The following MAST2 variants were observed in gnomAD, a reference collection of about 807,000 sequenced individuals.
MAST2 encodes the protein microtubule associated serine/threonine kinase 2, also known as microtubule-associated serine/threonine-protein kinase 2.
A neutral mutation model predicts 147.4 loss-of-function variants in MAST2; 70 were observed. The ratio of observed to expected loss-of-function variants is 0.47; its 90% CI spans 0.39 to 0.58. The LOEUF is 0.58. Among genes scored for constraint, MAST2 ranks in the 20% least tolerant of loss-of-function variants. The pLI, the probability that MAST2 is intolerant of heterozygous loss-of-function variation, is 0.00. For synonymous variants in MAST2, 869 were observed against 896.8 expected, an observed-to-expected ratio of 0.97 and a Z score of 0.55; for missense variants, 2,080 against 2,302.3, an observed-to-expected ratio of 0.90 and a Z score of 1.98.
At chr1:45,962,345 C>T (rs1486811754) in intron 5 of MAST2, among the ~76,000 whole-genome samples, 1 of 151,984 alleles carries the variant, frequency 6.6e-6, no homozygotes, top group East Asian at 1.9e-4. Context: ...GGAATCGCCA[C>T]ACTGACTTCC....
At chr1:45,895,669 A>G (rs1341530335) in intron 4 of MAST2, among the ~76,000 whole-genome samples, 1 of 152,262 alleles carries the variant, frequency 6.6e-6, no homozygotes, top group Non-Finnish European at 1.5e-5. Flanking sequence ...TTTTAAAAAA[A>G]GTAAAAACAA....
intron 10 of MAST2, 49 bp from the exon 11 acceptor site, chr1:46,019,547 C>T: frequency 6.6e-7 from 1 of 1,505,720 alleles, no homozygotes; most frequent in Non-Finnish European, 9.2e-7. Flanking sequence ...TCCTGCTTAG[C>T]CCAGCCACAC....
At chr1:45,891,268 G>T (rs1647726871) in intron 4 of MAST2, among the ~76,000 whole-genome samples, 1 of 152,140 alleles carries the variant, frequency 6.6e-6, no homozygotes, top group Non-Finnish European at 1.5e-5. Context: ...GAGGCAGGAA[G>T]ATCACTTGAG....
chr1:45,981,344 T>C (rs141161861), intron 5 of MAST2, among the ~76,000 whole-genome samples: 202 of 152,186 alleles, frequency 1.3e-3, no homozygotes, highest in African/African-American at 4.6e-3. Flanking sequence ...AGTGCTGGGA[T>C]TACAGGTGTG....
intron 4 of MAST2, among the ~76,000 whole-genome samples, chr1:45,925,082 C>A (rs1291750693): frequency 6.6e-6 from 1 of 152,192 alleles, no homozygotes; most frequent in Non-Finnish European, 1.5e-5. Flanking sequence ...AGTTGGAAAA[C>A]AGTGTCCCCT....
At chr1:45,873,157 G>GT in intron 3 of MAST2, among the ~76,000 whole-genome samples, 1 of 151,416 alleles carries the variant, frequency 6.6e-6, no homozygotes, top group South Asian at 2.1e-4. Context: ...CTACTGGTGG[G>GT]TTAGATTAGA....
chr1:45,945,306 G>A (rs112677070), intron 4 of MAST2, among the ~76,000 whole-genome samples: 1 of 152,072 alleles, frequency 6.6e-6, no homozygotes, highest in African/African-American at 2.4e-5. Flanking sequence ...ATCTCAAAAA[G>A]ACTGTGTTTT....
intron 1 of MAST2, among the ~76,000 whole-genome samples, chr1:45,821,843 C>T (rs1170764628): frequency 2.0e-5 from 3 of 149,534 alleles, no homozygotes; most frequent in Non-Finnish European, 4.4e-5. Context: ...CTGCCCCCTT[C>T]TCTTCTAGAA....
chr1:45,898,866 A>G (rs938116785), intron 4 of MAST2, among the ~76,000 whole-genome samples: 11 of 152,202 alleles, frequency 7.2e-5, no homozygotes, highest in African/African-American at 1.9e-4. Context: ...AAGGGAGCAC[A>G]TGGGATGTCT....
intron 1 of MAST2, among the ~76,000 whole-genome samples, chr1:45,811,266 A>G (rs543462988): frequency 3.2e-4 from 47 of 149,028 alleles, no homozygotes; most frequent in Admixed American, 2.3e-3. Context: ...TGTGGGGTTC[A>G]AGCAATTCTC....
At chr1:45,867,224 T>G (rs1247571588) in intron 3 of MAST2, among the ~76,000 whole-genome samples, 1 of 152,214 alleles carries the variant, frequency 6.6e-6, no homozygotes, top group East Asian at 1.9e-4. Flanking sequence ...TTTATATAAA[T>G]AAACACACAA....
chr1:45,902,814 A>G (rs946496997), intron 4 of MAST2, among the ~76,000 whole-genome samples: 1 of 152,046 alleles, frequency 6.6e-6, no homozygotes, highest in African/African-American at 2.4e-5. Context: ...TGTTTCTGTG[A>G]TATCAGTTGT....
At chr1:45,835,583 T>C (rs978350966) in intron 3 of MAST2, among the ~76,000 whole-genome samples, 2 of 150,842 alleles carry the variant, frequency 1.3e-5, no homozygotes, top group African/African-American at 2.5e-5. Flanking sequence ...CATATTATTA[T>C]TGAATTTTGT....
In MAST2 at chr1:45,818,553, G is replaced by A. The variant is rs574145153; in HGVS notation, c.178-5880G>A. 2.6e-5 allele frequency among the ~76,000 whole-genome samples: 4 copies of A among 152,264 alleles called. No homozygotes were observed. In the East Asian group the frequency reaches 7.7e-4, roughly 29 times the overall value. The stretch of plus-strand genomic sequence containing the variant: ...ACTTAACGAGCTTTTTCACCTTTTC[G>A]ATTTGCTTCAAATGCTGAATGACTG... On this transcript the variant is annotated intron_variant, in intron 1 of 28. Transcript: ENST00000361297.
At chr1:45,913,144 C>A (rs1430795955) in intron 4 of MAST2, among the ~76,000 whole-genome samples, 1 of 152,188 alleles carries the variant, frequency 6.6e-6, no homozygotes, top group East Asian at 1.9e-4. Context: ...TGGCACTGAA[C>A]TTTGTCTGAA....
intron 5 of MAST2, among the ~76,000 whole-genome samples, chr1:45,993,747 A>G (rs1039010998): frequency 3.9e-5 from 6 of 151,982 alleles, no homozygotes; most frequent in Non-Finnish European, 5.9e-5. Context: ...ATTAGGCCAA[A>G]CTTTACAAGG....
intron 4 of MAST2, among the ~76,000 whole-genome samples, chr1:45,927,609 C>T (rs1255512916): frequency 6.6e-6 from 1 of 152,240 alleles, no homozygotes; most frequent in African/African-American, 2.4e-5. Flanking sequence ...CTCTTATTCC[C>T]TGAACAATTG....
intron 4 of MAST2, among the ~76,000 whole-genome samples, chr1:45,911,990 G>A (rs1055053901): frequency 2.0e-5 from 3 of 151,710 alleles, no homozygotes; most frequent in African/African-American, 7.3e-5. Context: ...CTGGGGATGG[G>A]AGGATAGACC....
intron 2 of MAST2, among the ~76,000 whole-genome samples, chr1:45,826,699 C>T (rs1644803724): frequency 6.6e-6 from 1 of 152,122 alleles, no homozygotes; most frequent in Non-Finnish European, 1.5e-5. Context: ...TAGCTTATAC[C>T]TTTCTTTGCC....
Sources: allele counts gnomAD v4.1 joint callset (sites outside exome capture counted in the v4.1 genomes callset), GRCh38; gene constraint gnomAD v4.1.1; transcripts MANE v1.5; gene names NCBI Gene and HGNC (gene_info 2026-07-23, HGNC 2026-07-21).